PACRG: variants seen among roughly 807,000 people sequenced by gnomAD.
PACRG encodes parkin coregulated gene protein.
PACRG carries 29 observed loss-of-function variants against 29.7 expected under a neutral mutation model. The observed-to-expected ratio is 0.98, with a 90% CI of 0.73 to 1.33. The LOEUF is 1.33. PACRG is among the 40% of genes most tolerant of loss of function. The pLI, the probability that PACRG is intolerant of heterozygous loss-of-function variation, is 0.00. For synonymous variants in PACRG, 116 were observed against 118.7 expected (o/e 0.98, Z 0.15); for missense variants, 279 against 316.2 (o/e 0.88, Z 0.89).
At chr6:163,209,662 A>G (rs1233055016) in intron 4 of PACRG, among the ~76,000 whole-genome samples, 7 of 152,206 alleles carry the variant, frequency 4.6e-5, no homozygotes, top group Non-Finnish European at 8.8e-5. Flanking sequence ...TTCATAATGC[A>G]TGAAATAAGC....
chr6:162,966,698 G>A (rs575432132), intron 2 of PACRG, among the ~76,000 whole-genome samples: 68 of 152,054 alleles, frequency 4.5e-4, no homozygotes, highest in African/African-American at 1.4e-3. Flanking sequence ...GGATGGTCTC[G>A]ATCTCCTGAC....
intron 4 of PACRG, among the ~76,000 whole-genome samples, chr6:163,156,796 C>T (rs947555657): frequency 1.3e-5 from 2 of 152,092 alleles, no homozygotes; most frequent in African/African-American, 4.8e-5. Context: ...GGCTCGTGGG[C>T]CTCTTCAAAG....
chr6:162,770,092 T>A (rs1264567516), intron 1 of PACRG, among the ~76,000 whole-genome samples: 4 of 152,118 alleles, frequency 2.6e-5, no homozygotes, highest in Admixed American at 2.6e-4. Flanking sequence ...CCACCTAAAT[T>A]ATCTCAATAT....
intron 4 of PACRG, among the ~76,000 whole-genome samples, chr6:163,123,257 G>A (rs546667293): frequency 8.5e-5 from 13 of 152,260 alleles, no homozygotes; most frequent in African/African-American, 2.4e-4. Context: ...AATGCGGGTC[G>A]GCATGATGTC....
intron 1 of PACRG, among the ~76,000 whole-genome samples, chr6:162,732,371 C>T (rs560341335): frequency 3.9e-4 from 60 of 152,198 alleles, no homozygotes; most frequent in Non-Finnish European, 7.5e-4. Context: ...AGGGCATGTC[C>T]CAGAAACAGC....
At chr6:162,961,818 C>T (rs559055326) in intron 2 of PACRG, among the ~76,000 whole-genome samples, 1 of 152,258 alleles carries the variant, frequency 6.6e-6, no homozygotes, top group African/African-American at 2.4e-5. Flanking sequence ...AAGCTGTGAG[C>T]AGAGGCATGT....
At chr6:163,216,363 CA>C (rs747564868) in intron 4 of PACRG, among the ~76,000 whole-genome samples, 9 of 152,108 alleles carry the variant, frequency 5.9e-5, no homozygotes, top group Non-Finnish European at 1.3e-4. Context: ...GGAACTTAGA[CA>C]AAAACCTGGT....
intron 4 of PACRG, chr6:163,312,735 A>G (rs1052454524): frequency 7.2e-6 from 3 of 414,088 alleles, no homozygotes; most frequent in African/African-American, 6.6e-5. Flanking sequence ...TCTCTTGTTT[A>G]TCTGATATAT....
chr6:163,306,977 T>C (rs56118413), intron 4 of PACRG, among the ~76,000 whole-genome samples: 12,285 of 152,274 alleles, frequency 0.081, 552 homozygotes, highest in Non-Finnish European at 0.098. Context: ...TAGTGAGTTA[T>C]TGAATAGTAT....
At chr6:163,285,008 T>C (rs1220484667) in intron 4 of PACRG, among the ~76,000 whole-genome samples, 1 of 152,062 alleles carries the variant, frequency 6.6e-6, no homozygotes, top group Non-Finnish European at 1.5e-5. Context: ...TTCACACCCA[T>C]CAAATATTGT....
At chr6:163,049,700 A>G (rs1369617526) in intron 2 of PACRG, among the ~76,000 whole-genome samples, 4 of 152,108 alleles carry the variant, frequency 2.6e-5, no homozygotes, top group Non-Finnish European at 5.9e-5. Flanking sequence ...TTAAAAGGTA[A>G]TTATTCTCAT....
At chr6:162,882,190 T>TG (rs142358248) in intron 2 of PACRG, among the ~76,000 whole-genome samples, 19,373 of 91,902 alleles carry the variant, frequency 0.21, 1,807 homozygotes, top group Middle Eastern at 0.33. Flanking sequence ...AGACTGGGGG[T>TG]GGGGGGGCGC....
At chr6:163,015,245 CT>C (rs1021644987) in intron 2 of PACRG, among the ~76,000 whole-genome samples, 1 of 152,176 alleles carries the variant, frequency 6.6e-6, no homozygotes, top group African/African-American at 2.4e-5. Context: ...GTTTTTGTTA[CT>C]ATAGCCTTGC....
intron 2 of PACRG, among the ~76,000 whole-genome samples, chr6:163,027,902 A>C (rs1585038147): frequency 6.6e-6 from 1 of 152,286 alleles, no homozygotes; most frequent in East Asian, 1.9e-4. Flanking sequence ...AGTGGTAATA[A>C]GGGGCCAGGA....
chr6:163,043,408 T>C lies in PACRG; in HGVS notation c.292-18742T>C, dbSNP rs535518994. Among the ~76,000 whole-genome samples, 9 of 151,844 alleles carry C rather than the reference T, an allele frequency of 5.9e-5. No individual in the cohort carries two copies. In the East Asian group the frequency reaches 1.7e-3, roughly 30 times the overall value. On this transcript the variant is annotated intron_variant, in intron 2 of 4. Coordinates refer to ENST00000366888, the MANE Select transcript of PACRG (RefSeq NM_001080379.2). Reference sequence around the variant, plus strand: ...CCATCTCTACCAAAAATACAAAAACTAGGTGGGCATGGTGGTGAGCCTGTA... The same window carrying C: ...CCATCTCTACCAAAAATACAAAAACCAGGTGGGCATGGTGGTGAGCCTGTA...
At chr6:162,913,579 T>G (rs1230204838) in intron 2 of PACRG, among the ~76,000 whole-genome samples, 2 of 152,198 alleles carry the variant, frequency 1.3e-5, no homozygotes, top group African/African-American at 4.8e-5. Flanking sequence ...TACTTAGGAG[T>G]ATAACGGCTG....
At chr6:162,915,742 C>A (rs559408654) in intron 2 of PACRG, among the ~76,000 whole-genome samples, 4 of 152,014 alleles carry the variant, frequency 2.6e-5, no homozygotes, top group South Asian at 2.1e-4. Context: ...ATATACCTAA[C>A]CTTTCACAGT....
At chr6:163,167,058 T>C (rs764624132) in intron 4 of PACRG, among the ~76,000 whole-genome samples, 19 of 152,196 alleles carry the variant, frequency 1.2e-4, no homozygotes, top group Non-Finnish European at 2.5e-4. Context: ...CTGTGACAAC[T>C]TGGATGATGA....
At chr6:162,934,205 G>T (rs1465971688) in intron 2 of PACRG, among the ~76,000 whole-genome samples, 1 of 152,018 alleles carries the variant, frequency 6.6e-6, no homozygotes, top group East Asian at 1.9e-4. Context: ...GGAGGTTGCA[G>T]TGAGCCGAGA....
Sources: gnomAD v4.1 joint callset for allele counts (sites outside exome capture counted in the v4.1 genomes callset) on GRCh38, gnomAD v4.1.1 for gene constraint, MANE v1.5 for transcripts, NCBI Gene and HGNC (gene_info 2026-07-23, HGNC 2026-07-21) for gene names.